The following GNG7 variants were observed in gnomAD, a reference collection of about 807,000 sequenced individuals.
The protein encoded by GNG7 is guanine nucleotide-binding protein G(I)/G(S)/G(O) subunit gamma-7.
In GNG7, 1 loss-of-function variant was observed where a neutral mutation model predicts 4.0. The ratio of observed to expected loss-of-function variants is 0.25; its 90% CI spans 0.09 to 1.18. The LOEUF (loss-of-function observed/expected upper bound fraction) is 1.18. Ranked by LOEUF, GNG7 falls within the 50% of genes most tolerant of loss-of-function variation. GNG7 has a pLI of 0.50. For missense variants in GNG7, 86 were observed against 91.9 expected, an observed-to-expected ratio of 0.94 and a Z score of 0.26; for synonymous variants, 34 against 36.9, an observed-to-expected ratio of 0.92 and a Z score of 0.29.
At chr19:2,676,977 G>T (rs967653656) in intron 1 of GNG7, among the ~76,000 whole-genome samples, 3 of 152,186 alleles carry the variant, frequency 2.0e-5, no homozygotes, top group African/African-American at 4.8e-5. Context: ...CCGATTCCCA[G>T]AGAATCTCAA....
At chr19:2,585,728 G>T (rs5023765) in intron 2 of GNG7, among the ~76,000 whole-genome samples, 56,514 of 151,912 alleles carry the variant, frequency 0.37, 12,197 homozygotes, top group African/African-American at 0.58. Context: ...TGAGACAGAG[G>T]CTTGCCCTGT....
At position 2,527,705 on chromosome 19, in the gene GNG7, G is replaced by A. The variant is rs1052268087; in HGVS notation, c.-37-6980C>T. The stretch of plus-strand genomic sequence containing the variant: ...CCCTCTGGCTGGATCCTTTTCTGGG[G>A]TGGGGCTGTCCTGGGCACTGCAGGG... On this transcript the variant is annotated intron_variant, in intron 3 of 4. Coordinates refer to ENST00000382159, the MANE Select transcript of GNG7 (RefSeq NM_052847.3). 1.2e-4 allele frequency among the ~76,000 whole-genome samples: 18 copies of A among 152,250 alleles called. No individual in the cohort carries two copies. In the East Asian group the frequency reaches 3.5e-3, roughly 29 times the overall value.
chr19:2,522,791 C>T (rs116153842), intron 3 of GNG7, among the ~76,000 whole-genome samples: 2,542 of 148,416 alleles, frequency 0.017, 65 homozygotes, highest in African/African-American at 0.061. Context: ...AAGGAAAGGA[C>T]CATCCATGCA....
intron 1 of GNG7, among the ~76,000 whole-genome samples, chr19:2,696,338 G>GAA (rs1267257930): frequency 3.6e-4 from 44 of 123,076 alleles, no homozygotes; most frequent in Admixed American, 2.0e-3. Context: ...AAGAAAGAAA[G>GAA]AAAGAAAGAA....
At chr19:2,569,425 G>A (rs952794041) in intron 2 of GNG7, among the ~76,000 whole-genome samples, 12 of 152,122 alleles carry the variant, frequency 7.9e-5, no homozygotes, top group African/African-American at 1.9e-4. Flanking sequence ...ACAGGCGCCC[G>A]CCACCACACC....
At chr19:2,562,421 T>C (rs1979772241) in intron 2 of GNG7, among the ~76,000 whole-genome samples, 2 of 152,092 alleles carry the variant, frequency 1.3e-5, no homozygotes, top group African/African-American at 4.8e-5. Context: ...AGTGCCGGGA[T>C]TACAGGCGTG....
At chr19:2,672,400 C>T (rs1983477645) in intron 1 of GNG7, among the ~76,000 whole-genome samples, 1 of 152,082 alleles carries the variant, frequency 6.6e-6, no homozygotes, top group Admixed American at 6.6e-5. Flanking sequence ...AAGCAATCCT[C>T]CTGCTTCAGC....
In GNG7 at chr19:2,557,284, T is replaced by TGC. The variant is rs1257193371; in HGVS notation, c.-77-2098_-77-2097dup. Among the ~76,000 whole-genome samples, 2 of 148,066 alleles carry TGC rather than the reference T, an allele frequency of 1.4e-5. No individual in the cohort carries two copies. The highest frequency in any genetic ancestry group is 4.0e-4 in the East Asian group (2 of 4,952). ...ACACACATTTGCACACACAGACACG[T>TGC]GCACACACAGAGGTGCACATACACG... is the stretch of plus-strand genomic sequence containing the variant. On this transcript the variant is annotated intron_variant, in intron 2 of 4. Transcript: ENST00000382159. The surrounding 1 kb of genome is among the most constrained non-coding windows in gnomAD (Gnocchi z 5.1).
intron 1 of GNG7, among the ~76,000 whole-genome samples, chr19:2,690,594 C>CT (rs796294550): frequency 1.2e-4 from 17 of 146,880 alleles, no homozygotes; most frequent in South Asian, 4.3e-4. Context: ...TGGCTCAGGT[C>CT]TTTTTTTTTT....
At chr19:2,616,602 CCCCGT>C (rs1358871737) in intron 2 of GNG7, among the ~76,000 whole-genome samples, 6 of 152,178 alleles carry the variant, frequency 3.9e-5, no homozygotes, top group African/African-American at 1.4e-4. Flanking sequence ...CAGGGAGAAA[CCCCGT>C]CTCTCCTAAA....
intron 1 of GNG7, among the ~76,000 whole-genome samples, chr19:2,694,222 T>G (rs945972374): frequency 6.6e-6 from 1 of 151,320 alleles, no homozygotes; most frequent in African/African-American, 2.4e-5. Flanking sequence ...GGAGATTTTT[T>G]TGTTGCTTTT....
At chr19:2,663,769 C>A (rs931283076) in intron 1 of GNG7, among the ~76,000 whole-genome samples, 2 of 152,198 alleles carry the variant, frequency 1.3e-5, no homozygotes, top group Non-Finnish European at 2.9e-5. Flanking sequence ...CATGCCAGCA[C>A]CAGTTTTTAA....
At chr19:2,544,830 C>T (rs990164453) in intron 3 of GNG7, among the ~76,000 whole-genome samples, 17 of 151,762 alleles carry the variant, frequency 1.1e-4, no homozygotes, top group African/African-American at 4.1e-4. Context: ...TGCTCAGCAA[C>T]CGTAAGTGCC....
At chr19:2,660,196 G>A (rs1983110595) in intron 1 of GNG7, among the ~76,000 whole-genome samples, 1 of 152,314 alleles carries the variant, frequency 6.6e-6, no homozygotes, top group South Asian at 2.1e-4. Context: ...GCATATTCTG[G>A]AGATGATTAG....
intron 2 of GNG7, among the ~76,000 whole-genome samples, chr19:2,612,365 TG>T (rs1568262698): frequency 1.3e-5 from 2 of 151,952 alleles, no homozygotes; most frequent in Non-Finnish European, 1.5e-5. Flanking sequence ...CAGTGCCCCC[TG>T]GGGGGCAGCA....
chr19:2,530,671 C>T lies in GNG7; in HGVS notation c.-37-9946G>A, dbSNP rs190469738. 1.4e-4 allele frequency among the ~76,000 whole-genome samples: 20 copies of T among 146,532 alleles called. No homozygotes were observed. In the East Asian group the frequency reaches 3.7e-3, roughly 27 times the overall value. On this transcript the variant is annotated intron_variant, in intron 3 of 4. Transcript: ENST00000382159. ...GGAGGCAGAGGTTGCAGTGAGCTGACGTTGTGCCACTGCACTCCAGCCTGG... is the reference window on the plus strand; with the variant it reads ...GGAGGCAGAGGTTGCAGTGAGCTGATGTTGTGCCACTGCACTCCAGCCTGG...
intron 3 of GNG7, among the ~76,000 whole-genome samples, chr19:2,547,940 G>A (rs965054315): frequency 1.1e-4 from 16 of 152,196 alleles, no homozygotes; most frequent in East Asian, 3.9e-4. Context: ...GGGCCGGCCC[G>A]TCCGGGCACA....
intron 3 of GNG7, among the ~76,000 whole-genome samples, chr19:2,523,166 C>T (rs888092324): frequency 6.6e-6 from 1 of 151,786 alleles, no homozygotes; most frequent in African/African-American, 2.4e-5. Context: ...CATGCCCGGC[C>T]CAAGGACGAA....
intron 2 of GNG7, among the ~76,000 whole-genome samples, chr19:2,581,011 C>A (rs1270879461): frequency 6.6e-6 from 1 of 152,078 alleles, no homozygotes; most frequent in East Asian, 1.9e-4. Context: ...ATGCTCCACC[C>A]GCCTCAGCCT....
Sources: gnomAD v4.1 joint callset for allele counts (sites outside exome capture counted in the v4.1 genomes callset) on GRCh38, gnomAD v4.1.1 for gene constraint, Gnocchi (gnomAD v3.1) non-coding constraint, MANE v1.5 for transcripts, NCBI Gene and HGNC (gene_info 2026-07-23, HGNC 2026-07-21) for gene names.